NFATC1: variants seen among roughly 807,000 people sequenced by gnomAD.
The protein encoded by NFATC1 is nuclear factor of activated T cells 1, also known as nuclear factor of activated T-cells, cytoplasmic 1.
A neutral mutation model predicts 76.0 loss-of-function variants in NFATC1; 22 were observed. The ratio of observed to expected loss-of-function variants is 0.29; its 90% CI spans 0.21 to 0.41. The LOEUF (loss-of-function observed/expected upper bound fraction) is 0.41, where lower values mean the gene tolerates loss of function less well. NFATC1 is among the 10% of genes least tolerant of loss of function. The pLI is 1.00. For synonymous variants in NFATC1, 704 were observed against 613.1 expected (o/e 1.15, Z -2.19); for missense variants, 1,357 against 1,337.7 (o/e 1.01, Z -0.23).
At chr18:79,488,701 C>T (rs533910404) in intron 9 of NFATC1, among the ~76,000 whole-genome samples, 144 of 152,320 alleles carry the variant, frequency 9.5e-4, no homozygotes, top group African/African-American at 3.2e-3. Flanking sequence ...GCGAGGTGGA[C>T]GCTGACATCC....
intron 3 of NFATC1, among the ~76,000 whole-genome samples, chr18:79,446,459 G>T (rs1456357602): frequency 6.6e-6 from 1 of 151,790 alleles, no homozygotes; most frequent in African/African-American, 2.4e-5. Context: ...TAAATTTTTA[G>T]GTATTAAATC....
intron 2 of NFATC1, among the ~76,000 whole-genome samples, chr18:79,430,331 CTT>C (rs2086548184): frequency 6.6e-6 from 1 of 152,182 alleles, no homozygotes; most frequent in African/African-American, 2.4e-5. Context: ...TTCTCTGTCT[CTT>C]AACTTTCCTG....
intron 9 of NFATC1, among the ~76,000 whole-genome samples, chr18:79,492,709 A>G (rs1348201921): frequency 8.1e-6 from 1 of 123,686 alleles, no homozygotes; most frequent in Admixed American, 8.6e-5. Context: ...ACTCCATCTC[A>G]AAAAAAAAAA....
chr18:79,468,092 G>GATGCCCGTGGTCCCAGGA, intron 8 of NFATC1: 1 of 682,984 alleles, frequency 1.5e-6, no homozygotes, highest in Non-Finnish European at 1.8e-6. Flanking sequence ...TCATCTCCTG[G>GATGCCCGTGGTCCCAGGA]GACCACGGGC....
At chr18:79,405,969 C>T (rs984380048) in intron 1 of NFATC1, among the ~76,000 whole-genome samples, 2 of 152,070 alleles carry the variant, frequency 1.3e-5, no homozygotes, top group African/African-American at 4.8e-5. Flanking sequence ...AGGGCTACGG[C>T]CCCTGAGGAC....
rs532591403 is a variant in NFATC1, at chr18:79,397,815, C to T, written c.127+1464C>T. ...TCTTTTACGCAAGGAAAAAACACGA[C>T]GGGGCAGTGGCTAGTTTTCGTGTTT... On this transcript the variant is annotated intron_variant, in intron 1 of 9. Coordinates refer to ENST00000427363, the MANE Select transcript of NFATC1 (RefSeq NM_001278669.2). Among the ~76,000 whole-genome samples, 4 of 152,254 alleles carry T rather than the reference C, an allele frequency of 2.6e-5. No homozygotes were observed. In the East Asian group the frequency reaches 7.7e-4, roughly 29 times the overall value.
At chr18:79,518,397 AGT>A (rs1427835697) in intron 9 of NFATC1, among the ~76,000 whole-genome samples, 1 of 152,194 alleles carries the variant, frequency 6.6e-6, no homozygotes, top group African/African-American at 2.4e-5. Context: ...TGAGTGTGGC[AGT>A]GTAAAGGGCG....
chr18:79,472,444 G>A (rs976050224), intron 8 of NFATC1, among the ~76,000 whole-genome samples: 2 of 152,184 alleles, frequency 1.3e-5, no homozygotes, highest in Non-Finnish European at 2.9e-5. Flanking sequence ...TCCTTCCCAG[G>A]GGTTTCCCAT....
chr18:79,438,048 C>CA (rs1405378099), intron 3 of NFATC1, among the ~76,000 whole-genome samples: 1 of 152,232 alleles, frequency 6.6e-6, no homozygotes, highest in African/African-American at 2.4e-5. Flanking sequence ...GCTGGTCCTC[C>CA]ACCTGCGTGT....
At chr18:79,519,338 T>A (rs1287274355) in intron 9 of NFATC1, among the ~76,000 whole-genome samples, 2 of 152,206 alleles carry the variant, frequency 1.3e-5, no homozygotes, top group Non-Finnish European at 2.9e-5. Flanking sequence ...TTTATTTTTT[T>A]ATTTTTTTTC....
intron 2 of NFATC1, among the ~76,000 whole-genome samples, chr18:79,412,745 C>T (rs2085740066): frequency 6.6e-6 from 1 of 152,194 alleles, no homozygotes; most frequent in South Asian, 2.1e-4. Flanking sequence ...GCTGACAGTT[C>T]TTTGAGCAGC....
At chr18:79,396,417 A>C (rs1216697019) in intron 1 of NFATC1, 66 bp downstream of exon 1, 6 of 1,032,250 alleles carry the variant, frequency 5.8e-6, no homozygotes, top group African/African-American at 5.2e-5. Flanking sequence ...GCGCCCCCCG[A>C]CCCCGCCCCC....
intron 2 of NFATC1, among the ~76,000 whole-genome samples, chr18:79,415,597 TAC>T (rs961814531): frequency 2.0e-5 from 3 of 152,090 alleles, no homozygotes; most frequent in African/African-American, 7.2e-5. Flanking sequence ...ATTCAATTTC[TAC>T]ACATGAAACA....
intron 3 of NFATC1, among the ~76,000 whole-genome samples, chr18:79,435,578 A>G (rs2086746515): frequency 6.6e-6 from 1 of 152,018 alleles, no homozygotes; most frequent in East Asian, 1.9e-4. Flanking sequence ...GACACAGCTC[A>G]GTGCTTGGGT....
Position 79,451,745 on chromosome 18 carries a change from GGAA to G in NFATC1, c.1838_1840del (p.Lys613del). ...ACGGACAGCTATCCGGTCGTGGGCGGGAAGAAGATGGTCCTGTCTGGCCACAAC... is the reference window on the plus strand; with the variant it reads ...ACGGACAGCTATCCGGTCGTGGGCGGGAAGATGGTCCTGTCTGGCCACAAC... On this transcript the variant is annotated inframe_deletion, in exon 6 of 10. Transcript: ENST00000427363. 2 of 1,613,214 alleles carry G rather than the reference GGAA, an allele frequency of 1.2e-6. No homozygotes were observed. Among genetic ancestry groups the G allele is most frequent in the Non-Finnish European group, 1.7e-6 (2 of 1,179,708 alleles).
At chr18:79,400,561 G>T in intron 1 of NFATC1, 1 of 1,204,080 alleles carries the variant, frequency 8.3e-7, no homozygotes. Context: ...CGTCCTCGTC[G>T]CTCCCCGGGG....
intron 9 of NFATC1, among the ~76,000 whole-genome samples, chr18:79,493,142 C>T (rs1405710291): frequency 6.6e-6 from 1 of 152,208 alleles, no homozygotes; most frequent in Non-Finnish European, 1.5e-5. Flanking sequence ...TGAAAAAATG[C>T]CACAGAGCTC....
At chr18:79,503,025 T>C (rs1437896065) in intron 9 of NFATC1, among the ~76,000 whole-genome samples, 1 of 152,224 alleles carries the variant, frequency 6.6e-6, no homozygotes, top group Non-Finnish European at 1.5e-5. Context: ...TACATGACTG[T>C]CCTTCACAGC....
chr18:79,469,823 C>A (rs1428981634), intron 8 of NFATC1: 2 of 983,690 alleles, frequency 2.0e-6, no homozygotes, highest in Non-Finnish European at 2.4e-6. Flanking sequence ...GCCCCACCAG[C>A]CCCCAGGGGC....
Sources: allele counts gnomAD v4.1 joint callset (sites outside exome capture counted in the v4.1 genomes callset), GRCh38; gene constraint gnomAD v4.1.1; transcripts MANE v1.5; gene names NCBI Gene and HGNC (gene_info 2026-07-23, HGNC 2026-07-21).